Variants in LRPAP1 observed in about 807,000 individuals in gnomAD.
LRPAP1 encodes alpha-2-macroglobulin receptor-associated protein.
Under a neutral mutation model 39.9 loss-of-function variants are expected in LRPAP1, and 41 were observed. That is an observed-to-expected ratio of 1.03 (90% CI 0.80 to 1.33). The LOEUF is 1.33. Ranked by LOEUF, LRPAP1 falls within the 40% of genes most tolerant of loss-of-function variation. The pLI is 0.00. For synonymous variants in LRPAP1, 263 were observed against 212.7 expected (o/e 1.24, Z -2.06); for missense variants, 565 against 482.3 (o/e 1.17, Z -1.61).
At chr4:3,528,894 C>G (rs938489557) in intron 1 of LRPAP1, among the ~76,000 whole-genome samples, 45 of 152,202 alleles carry the variant, frequency 3.0e-4, no homozygotes, top group African/African-American at 9.9e-4. Context: ...CTTCTCAAGC[C>G]AGGGGGGACG....
At position 3,513,116 on chromosome 4, in the gene LRPAP1, C is replaced by T. The variant is rs150677484; in HGVS notation, c.1012-80G>A. On this transcript the variant is annotated intron_variant, in intron 7 of 7. Transcript: ENST00000650182. Reference sequence around the variant, plus strand: ...GTGAGCTCAGCCTCATGTCAGGAGACGCGCGATCCAAAAGGAAAAGGCGCA... The same window carrying T: ...GTGAGCTCAGCCTCATGTCAGGAGATGCGCGATCCAAAAGGAAAAGGCGCA... The T allele has an allele frequency of 4.0e-5, 44 of 1,110,972 alleles. 1 individual carries two copies. The highest frequency in any genetic ancestry group is 1.8e-4 in the South Asian group (13 of 72,380). The allele number at this position is 1,110,972 out of a possible 1,614,324, so 68.8% of individuals were successfully genotyped here.
intron 6 of LRPAP1, 111 bp from the exon 7 acceptor site, chr4:3,515,039 G>A: frequency 2.4e-6 from 3 of 1,255,786 alleles, no homozygotes; most frequent in Non-Finnish European, 3.4e-6. Context: ...CCCGGGGCAG[G>A]ACAGGCCTTG....
rs536165785 is a variant in LRPAP1 at position 3,514,401 on chromosome 4, A to G, written c.1011+351T>C. 2.7e-3 allele frequency among the ~76,000 whole-genome samples: 406 copies of G among 150,970 alleles called. 1 individual carries two copies. Among genetic ancestry groups the G allele is most frequent in the African/African-American group, 9.4e-3 (392 of 41,512 alleles). Reference sequence around the variant, plus strand: ...CCTCACATCCCAGGGGCTGTGGGGAAGGAGGCTCGCCTGTCTCAAAGGCTG... The same window carrying G: ...CCTCACATCCCAGGGGCTGTGGGGAGGGAGGCTCGCCTGTCTCAAAGGCTG... On this transcript the variant is annotated intron_variant, in intron 7 of 7. Transcript: ENST00000650182.
chr4:3,532,180 C>G (rs745345303), intron 1 of LRPAP1, 29 bp downstream of exon 1: 2 of 1,189,502 alleles, frequency 1.7e-6, no homozygotes, highest in Non-Finnish European at 2.3e-6. Context: ...CCCCCAGGCC[C>G]CGCTCCACCG....
intron 1 of LRPAP1, among the ~76,000 whole-genome samples, chr4:3,526,413 T>C (rs1386561763): frequency 1.3e-5 from 2 of 152,260 alleles, no homozygotes; most frequent in African/African-American, 2.4e-5. Flanking sequence ...ATTAATCTTT[T>C]ATCTATATTT....
chr4:3,504,096 CCT>C lies in LRPAP1; in HGVS notation c.*8876_*8877del, dbSNP rs1319808587. 2.0e-5 allele frequency: 3 copies of C among 152,296 alleles called. No homozygotes were observed. Among genetic ancestry groups the C allele is most frequent in the African/African-American group, 7.2e-5 (3 of 41,458 alleles). 9.4% of individuals were successfully genotyped at this position (152,296 alleles called of 1,614,324 possible). ...CAAGCTGAAGCCCCCAAATCTAGGC[CCT>C]GAGGGTGAATCGGTACCAACCCCCT... is the stretch of plus-strand genomic sequence containing the variant. On this transcript the variant is annotated 3_prime_UTR_variant, in exon 8 of 8. Coordinates refer to ENST00000650182, the MANE Select transcript of LRPAP1 (RefSeq NM_002337.4).
intron 1 of LRPAP1, among the ~76,000 whole-genome samples, chr4:3,528,403 A>G (rs1730143199): frequency 6.7e-6 from 1 of 149,254 alleles, no homozygotes; most frequent in Non-Finnish European, 1.5e-5. Context: ...CCTTCCCCAC[A>G]CAGCACCACC....
Position 3,522,400 on chromosome 4 carries a change from C to A in LRPAP1, c.350-2207G>T, listed in dbSNP as rs77477354. ...TGGAAGGTTCTGGATTCTGGAGGTG[C>A]TGGGTTCTTCTGCATGGAATGGAGT... On this transcript the variant is annotated intron_variant, in intron 2 of 7. Transcript: ENST00000650182. Among the ~76,000 whole-genome samples the A allele has an allele frequency of 8.9e-3, 1,356 of 152,328 alleles. 17 individuals are homozygous for A. Among genetic ancestry groups the A allele is most frequent in the Non-Finnish European group, 0.014 (920 of 67,996 alleles).
At chr4:3,532,121 C>A (rs1000539653) in intron 1 of LRPAP1, 88 bp downstream of exon 1, 1 of 1,425,634 alleles carries the variant, frequency 7.0e-7, no homozygotes, top group Admixed American at 2.2e-5. Flanking sequence ...CGCCCCCCTC[C>A]GCCTCCGACC....
rs1729289803 is a variant in LRPAP1 at position 3,504,381 on chromosome 4, A to C, written c.*8593T>G. ...GTAATCCCAGCACTTTGGGCAGCCG[A>C]GGTGGGCACATCACTTGAGGTCAGG... is the stretch of plus-strand genomic sequence containing the variant. On this transcript the variant is annotated 3_prime_UTR_variant, in exon 8 of 8. Transcript: ENST00000650182. 1 of 152,282 alleles carries C rather than the reference A, an allele frequency of 6.6e-6. No homozygotes were observed. Among genetic ancestry groups the C allele is most frequent in the African/African-American group, 2.4e-5 (1 of 41,452 alleles). 9.4% of individuals were successfully genotyped at this position (152,282 alleles called of 1,614,324 possible).
intron 1 of LRPAP1, among the ~76,000 whole-genome samples, chr4:3,528,867 G>A (rs1730155980): frequency 6.6e-6 from 1 of 152,174 alleles, no homozygotes; most frequent in South Asian, 2.1e-4. Flanking sequence ...CCACTGGCTG[G>A]CCCATCCTCA....
intron 1 of LRPAP1, among the ~76,000 whole-genome samples, chr4:3,527,546 G>A (rs1194681707): frequency 6.6e-6 from 1 of 152,208 alleles, no homozygotes; most frequent in Non-Finnish European, 1.5e-5. Flanking sequence ...CTTACTTACC[G>A]TGCTGCACTG....
At position 3,513,593 on chromosome 4, in the gene LRPAP1, G is replaced by A. The variant is rs957600618; in HGVS notation, c.1012-557C>T. On this transcript the variant is annotated intron_variant, in intron 7 of 7. Coordinates refer to ENST00000650182, the MANE Select transcript of LRPAP1 (RefSeq NM_002337.4). Reference sequence around the variant, plus strand: ...CAAAGTGCTGGGATTACAGGTGTAAGCCACTGTGCCCAGCCCCACAGTGTT... The same window carrying A: ...CAAAGTGCTGGGATTACAGGTGTAAACCACTGTGCCCAGCCCCACAGTGTT... 2.6e-5 allele frequency among the ~76,000 whole-genome samples: 4 copies of A among 152,340 alleles called. No homozygotes were observed. In the South Asian group the frequency reaches 6.2e-4, roughly 24 times the overall value.
At chr4:3,515,000 C>T (rs974833908) in intron 6 of LRPAP1, 72 bp from the exon 7 acceptor site, 1 of 1,553,564 alleles carries the variant, frequency 6.4e-7, no homozygotes, top group African/African-American at 1.4e-5. Context: ...CCCGGGTGAA[C>T]TGCAAGGACG....
intron 2 of LRPAP1, among the ~76,000 whole-genome samples, chr4:3,523,401 G>C (rs144320986): frequency 6.6e-6 from 1 of 152,190 alleles, no homozygotes; most frequent in Non-Finnish European, 1.5e-5. Context: ...CTTGGCTTAC[G>C]TCTCAACCAG....
intron 1 of LRPAP1, among the ~76,000 whole-genome samples, chr4:3,531,204 A>G (rs2108700055): frequency 6.6e-6 from 1 of 152,272 alleles, no homozygotes; most frequent in Admixed American, 6.5e-5. Flanking sequence ...CAGTTCAGGA[A>G]GGGCCTGTGG....
At position 3,509,136 on chromosome 4, in the gene LRPAP1, C is replaced by T. The variant is rs1488784018; in HGVS notation, c.*3838G>A. ...AAGGAAAACATGCCAGACACATGCA[C>T]AGAAAACTCCAGTTCATTGTTGGGA... On this transcript the variant is annotated 3_prime_UTR_variant, in exon 8 of 8. Transcript: ENST00000650182. 2 of 152,298 alleles carry T rather than the reference C, an allele frequency of 1.3e-5. No homozygotes were observed. The highest frequency in any genetic ancestry group is 2.9e-5 in the Non-Finnish European group (2 of 68,062). The allele number at this position is 152,298 out of a possible 1,614,324, so 9.4% of individuals were successfully genotyped here. A position where few individuals can be genotyped will look rare whatever the true frequency, so the allele number is the denominator to read the frequency against.
chr4:3,519,164 C>T (rs960635650), intron 3 of LRPAP1, among the ~76,000 whole-genome samples, 173 bp from the exon 4 acceptor site: 4 of 152,206 alleles, frequency 2.6e-5, no homozygotes, highest in Non-Finnish European at 5.9e-5. Flanking sequence ...GAAGAGCTGC[C>T]GGCAGGCAAC....
intron 3 of LRPAP1, among the ~76,000 whole-genome samples, chr4:3,519,615 A>G (rs743722): frequency 0.71 from 108,696 of 152,174 alleles, 39,188 homozygotes; most frequent in East Asian, 0.92. Flanking sequence ...ACCCTGCCAC[A>G]GCCCACCAGG....
Sources: gnomAD v4.1 joint callset for allele counts (sites outside exome capture counted in the v4.1 genomes callset) on GRCh38, gnomAD v4.1.1 for gene constraint, MANE v1.5 for transcripts, NCBI Gene and HGNC (gene_info 2026-07-23, HGNC 2026-07-21) for gene names.